The following TTC39B variants were observed in gnomAD, a reference collection of about 807,000 sequenced individuals.
The protein encoded by TTC39B is tetratricopeptide repeat domain 39B.
Under a neutral mutation model 96.6 loss-of-function variants are expected in TTC39B, and 92 were observed. That is an observed-to-expected ratio of 0.95 (90% confidence interval 0.80 to 1.13). The LOEUF (loss-of-function observed/expected upper bound fraction) is 1.13, where lower values mean the gene tolerates loss of function less well. Among genes scored for constraint, TTC39B ranks in the 50% most tolerant of loss-of-function variants. The pLI is 0.00. For synonymous variants in TTC39B, 367 were observed against 299.4 expected (o/e 1.23, Z -2.33); for missense variants, 955 against 809.3 (o/e 1.18, Z -2.18).
chr9:15,251,423 G>A (rs1489969160), intron 2 of TTC39B, among the ~76,000 whole-genome samples: 6 of 151,628 alleles, frequency 4.0e-5, no homozygotes, highest in Non-Finnish European at 8.8e-5. Context: ...TTAGCCAGGC[G>A]TGGTGGCGCA....
chr9:15,252,922 C>T (rs963456567), intron 2 of TTC39B, among the ~76,000 whole-genome samples: 14 of 152,156 alleles, frequency 9.2e-5, no homozygotes, highest in African/African-American at 2.9e-4. Context: ...TAATAAAATA[C>T]ATTCCATAAA....
intron 4 of TTC39B, among the ~76,000 whole-genome samples, chr9:15,212,791 A>G (rs1230569829): frequency 6.6e-6 from 1 of 152,168 alleles, no homozygotes; most frequent in African/African-American, 2.4e-5. Context: ...TTTTCATTCC[A>G]TGTTATGACC....
chr9:15,262,629 G>C (rs941948909), intron 2 of TTC39B, among the ~76,000 whole-genome samples: 2 of 152,062 alleles, frequency 1.3e-5, no homozygotes, highest in African/African-American at 2.4e-5. Context: ...CAAAGATCCA[G>C]AGGTAGGAAA....
At chr9:15,229,342 C>G (rs538092908) in intron 2 of TTC39B, among the ~76,000 whole-genome samples, 1 of 152,354 alleles carries the variant, frequency 6.6e-6, no homozygotes, top group Non-Finnish European at 1.5e-5. Flanking sequence ...CACTGTCTGA[C>G]AGGCCCACCC....
chr9:15,191,475 G>T (rs79167348), intron 9 of TTC39B, among the ~76,000 whole-genome samples: 3,305 of 152,176 alleles, frequency 0.022, 127 homozygotes, highest in African/African-American at 0.076. Flanking sequence ...TTTAAGCCTG[G>T]TCTTTCCAGG....
intron 2 of TTC39B, among the ~76,000 whole-genome samples, chr9:15,251,931 G>A (rs1024817167): frequency 5.9e-5 from 9 of 151,772 alleles, no homozygotes; most frequent in African/African-American, 2.2e-4. Flanking sequence ...TATGCACCAG[G>A]CACAGGGGAT....
At chr9:15,230,996 AAAAC>A (rs1433697487) in intron 2 of TTC39B, among the ~76,000 whole-genome samples, 1 of 151,830 alleles carries the variant, frequency 6.6e-6, no homozygotes, top group Non-Finnish European at 1.5e-5. Context: ...GAAAAAAAAA[AAAAC>A]AAACAAGTTA....
At chr9:15,219,560 A>T (rs763092418) in intron 3 of TTC39B, among the ~76,000 whole-genome samples, 2 of 152,144 alleles carry the variant, frequency 1.3e-5, no homozygotes, top group Non-Finnish European at 2.9e-5. Context: ...AGGTGACAAG[A>T]CCCTCATCCA....
intron 1 of TTC39B, among the ~76,000 whole-genome samples, chr9:15,272,185 C>A (rs80166522): frequency 6.6e-6 from 1 of 152,112 alleles, no homozygotes; most frequent in Non-Finnish European, 1.5e-5. Context: ...ATCAGGGCCC[C>A]TAGGTTTGGC....
chr9:15,192,617 G>C (rs748274648), exon 9 of TTC39B: 2 of 1,613,978 alleles, frequency 1.2e-6, no homozygotes, highest in East Asian at 2.2e-5. Context: ...TGCCAAGCTT[G>C]ACACCCCCTT....
At chr9:15,166,635 ACTAAAT>A (rs1431560673) in exon 20 of TTC39B, 2 of 152,164 alleles carry the variant, frequency 1.3e-5, no homozygotes, top group South Asian at 4.1e-4. Context: ...TTTCAAAATA[ACTAAAT>A]CTAACAGCAA....
intron 17 of TTC39B, among the ~76,000 whole-genome samples, 181 bp from the exon 18 acceptor site, chr9:15,177,995 G>A (rs1204874172): frequency 2.0e-5 from 3 of 149,420 alleles, no homozygotes; most frequent in Admixed American, 6.7e-5. Flanking sequence ...TCAGCCTCCC[G>A]AGTAGCTGGG....
At chr9:15,279,651 C>T (rs1823678640) in intron 1 of TTC39B, among the ~76,000 whole-genome samples, 2 of 152,092 alleles carry the variant, frequency 1.3e-5, no homozygotes, top group Admixed American at 6.5e-5. Context: ...TATTGTTGTG[C>T]CTTGAATCTC....
rs1817689440 is a variant in TTC39B at position 15,172,059 on chromosome 9, TG to T, written c.2008del (p.Gln670ArgfsTer37). 1 of 1,612,826 alleles carries T rather than the reference TG, an allele frequency of 6.2e-7. No individual in the cohort carries two copies. Among genetic ancestry groups the T allele is most frequent in the Non-Finnish European group, 8.5e-7 (1 of 1,179,158 alleles). ...TTTTCTCCAGAGGTGAAGAGCTGCC[TG>T]AATTCTGAAGTGTAGTCTGGACTCC... On this transcript the variant is annotated frameshift_variant, in exon 20 of 20. Coordinates refer to ENST00000512701, the Ensembl canonical transcript of TTC39B. LOFTEE classifies it high-confidence loss of function.
chr9:15,281,028 C>CT (rs112924801), intron 1 of TTC39B, among the ~76,000 whole-genome samples: 10,741 of 151,050 alleles, frequency 0.071, 502 homozygotes, highest in African/African-American at 0.13. Context: ...TCTTTTTTGT[C>CT]TTTTTTTTTG....
intron 1 of TTC39B, among the ~76,000 whole-genome samples, chr9:15,270,632 A>G (rs960572378): frequency 1.3e-5 from 2 of 152,006 alleles, no homozygotes; most frequent in Non-Finnish European, 2.9e-5. Context: ...AAAAAAAAGA[A>G]TATCAAGCCA....
Position 15,306,992 on chromosome 9 carries a change from G to A in TTC39B, c.240+92C>T, listed in dbSNP as rs1392231888. On this transcript the variant is annotated intron_variant, in intron 1 of 19. Transcript: ENST00000512701. The surrounding 1 kb of genome is among the most constrained non-coding windows in gnomAD (Gnocchi z 5.1). Reference sequence around the variant, plus strand: ...CCCAGAGAGGGGACCAAGGGGGCGGGGCCTCGGCCGTCCTAGCCGGGCTCA... The same window carrying A: ...CCCAGAGAGGGGACCAAGGGGGCGGAGCCTCGGCCGTCCTAGCCGGGCTCA... 1 of 1,533,604 alleles carries A rather than the reference G, an allele frequency of 6.5e-7. No individual in the cohort carries two copies. The highest frequency in any genetic ancestry group is 1.4e-5 in the African/African-American group (1 of 72,186). 95.0% of individuals were successfully genotyped at this position (1,533,604 alleles called of 1,614,324 possible). A position where few individuals can be genotyped will look rare whatever the true frequency, so the allele number is the denominator to read the frequency against.
intron 17 of TTC39B, 53 bp from the exon 18 acceptor site, chr9:15,177,867 ATCT>A (rs1400744542): frequency 5.3e-6 from 5 of 951,018 alleles, no homozygotes; most frequent in Non-Finnish European, 6.1e-6. Flanking sequence ...ACTTTTTAAG[ATCT>A]TTTTTTTTTT....
At chr9:15,188,610 T>C (rs143083268) in intron 13 of TTC39B, among the ~76,000 whole-genome samples, 117 of 152,058 alleles carry the variant, frequency 7.7e-4, no homozygotes, top group African/African-American at 2.8e-3. Context: ...CAGAAAAAAA[T>C]ATATAGATGA....
Sources: gnomAD v4.1 joint callset for allele counts (sites outside exome capture counted in the v4.1 genomes callset) on GRCh38, gnomAD v4.1.1 for gene constraint, Gnocchi (gnomAD v3.1) non-coding constraint, MANE v1.5 for transcripts, NCBI Gene and HGNC (gene_info 2026-07-23, HGNC 2026-07-21) for gene names.